Variants in NCOA2 observed in about 807,000 individuals in gnomAD.
NCOA2 encodes class E basic helix-loop-helix protein 75.
In NCOA2, 21 loss-of-function variants were observed where a neutral mutation model predicts 145.1. The observed-to-expected ratio is 0.14, with a 90% CI of 0.10 to 0.21. The LOEUF is 0.21. Ranked by LOEUF, NCOA2 falls within the 10% of genes least tolerant of loss-of-function variation. The pLI, the probability that NCOA2 is intolerant of heterozygous loss-of-function variation, is 1.00. For synonymous variants in NCOA2, 619 were observed against 637.5 expected, an observed-to-expected ratio of 0.97 and a Z score of 0.44; for missense variants, 1,472 against 1,837.6, an observed-to-expected ratio of 0.80 and a Z score of 3.64.
At chr8:70,362,303 A>G (rs1810277208) in intron 1 of NCOA2, among the ~76,000 whole-genome samples, 1 of 152,202 alleles carries the variant, frequency 6.6e-6, no homozygotes, top group Non-Finnish European at 1.5e-5. Flanking sequence ...GGACTTTTTA[A>G]AACCTTTTTT....
chr8:70,158,480 T>C (rs941576683), intron 10 of NCOA2, among the ~76,000 whole-genome samples: 26 of 152,216 alleles, frequency 1.7e-4, no homozygotes, highest in Admixed American at 1.0e-3. Context: ...GAGAAGTTAA[T>C]TTGAACCAGA....
intron 4 of NCOA2, among the ~76,000 whole-genome samples, chr8:70,206,132 A>G (rs569619718): frequency 5.9e-5 from 9 of 152,256 alleles, no homozygotes; most frequent in Non-Finnish European, 1.2e-4. Context: ...CTTATCTACA[A>G]ATGTGCCCGC....
chr8:70,265,491 A>G (rs1241298646), intron 2 of NCOA2, among the ~76,000 whole-genome samples: 4 of 152,268 alleles, frequency 2.6e-5, no homozygotes, highest in Non-Finnish European at 5.9e-5. Context: ...AATCCAGATT[A>G]AGTGAATGAC....
rs148554052 is a variant in NCOA2 at position 70,177,222 on chromosome 8, T to C, written c.260-2363A>G. On this transcript the variant is annotated intron_variant, in intron 4 of 22. Coordinates refer to ENST00000452400, the MANE Select transcript of NCOA2 (RefSeq NM_006540.4). ...GAGGGGGGTCTATCAGAATGTGCAG[T>C]GGGAACACACAGACAGCTTGAAAGG... 4.3e-4 allele frequency among the ~76,000 whole-genome samples: 65 copies of C among 152,280 alleles called. 1 individual carries two copies. In the East Asian group the frequency reaches 0.011, roughly 25 times the overall value.
chr8:70,274,152 C>A (rs1303563369), intron 2 of NCOA2, among the ~76,000 whole-genome samples: 2 of 148,614 alleles, frequency 1.3e-5, no homozygotes, highest in Non-Finnish European at 3.0e-5. Flanking sequence ...CCGATCTGTA[C>A]ACAGTAAATC....
chr8:70,416,136 C>A, the NCOA2 span, among the ~76,000 whole-genome samples: 1 of 151,244 alleles, frequency 6.6e-6, no homozygotes, highest in Non-Finnish European at 1.5e-5. Context: ...TTGCAGTCTT[C>A]AGTCTGAAGG....
chr8:70,125,100 C>G (rs940091202), intron 19 of NCOA2, among the ~76,000 whole-genome samples: 2 of 151,992 alleles, frequency 1.3e-5, no homozygotes, highest in African/African-American at 4.8e-5. Flanking sequence ...GCCTAGGAAC[C>G]ATTAACCATC....
At chr8:70,179,300 C>T (rs1301819940) in intron 4 of NCOA2, among the ~76,000 whole-genome samples, 1 of 152,052 alleles carries the variant, frequency 6.6e-6, no homozygotes, top group African/African-American at 2.4e-5. Context: ...TATGGCTTTA[C>T]CAATGTAATC....
intron 15 of NCOA2, among the ~76,000 whole-genome samples, chr8:70,134,742 T>C (rs539757201): frequency 6.6e-6 from 1 of 152,204 alleles, no homozygotes; most frequent in Non-Finnish European, 1.5e-5. Flanking sequence ...TCCTACATCA[T>C]AAAATCACTT....
At chr8:70,406,798 C>T (rs995077232), upstream of NCOA2, among the ~76,000 whole-genome samples, 42 of 152,074 alleles carry the variant, frequency 2.8e-4, no homozygotes, top group African/African-American at 9.4e-4. Flanking sequence ...AAGTAAACTG[C>T]ATAAAAGTGG....
intron 3 of NCOA2, 79 bp downstream of exon 3, chr8:70,216,581 A>G (rs1236792897): frequency 1.7e-6 from 2 of 1,176,034 alleles, no homozygotes; most frequent in East Asian, 4.7e-5. Context: ...CAGCAGTAAA[A>G]TCAATGCTAA....
At chr8:70,352,482 T>C (rs990631163) in intron 1 of NCOA2, among the ~76,000 whole-genome samples, 15 of 152,190 alleles carry the variant, frequency 9.9e-5, no homozygotes, top group Non-Finnish European at 1.8e-4. Context: ...TTCTACCAAT[T>C]TTCCTAATGC....
In NCOA2 at chr8:70,110,952, C is replaced by T; in HGVS notation, c.*2680G>A. 4.5e-6 allele frequency: 1 copy of T among 222,130 alleles called. No individual in the cohort carries two copies. Among genetic ancestry groups the T allele is most frequent in the Non-Finnish European group, 9.0e-6 (1 of 111,126 alleles). The allele number at this position is 222,130 out of a possible 1,614,324, so 13.8% of individuals were successfully genotyped here. A position where few individuals can be genotyped will look rare whatever the true frequency, so the allele number is the denominator to read the frequency against. On this transcript the variant is annotated 3_prime_UTR_variant, in exon 23 of 23. Transcript: ENST00000452400. ...TGTTCTATTAAACAAAAACCAAGTA[C>T]TCAGTCTAACAAATTTATTGTGTAC... is the stretch of plus-strand genomic sequence containing the variant.
At chr8:70,369,626 A>AC (rs34966562) in intron 1 of NCOA2, among the ~76,000 whole-genome samples, 16,012 of 152,198 alleles carry the variant, frequency 0.11, 1,293 homozygotes, top group East Asian at 0.41. Context: ...TTTAGATCCT[A>AC]CTTCTGCCAA....
chr8:70,366,291 A>C (rs894709760), intron 1 of NCOA2, among the ~76,000 whole-genome samples: 1 of 152,186 alleles, frequency 6.6e-6, no homozygotes, highest in Admixed American at 6.5e-5. Context: ...GACTGATGAA[A>C]GTATGTTCTC....
intron 1 of NCOA2, among the ~76,000 whole-genome samples, chr8:70,319,834 G>A (rs537554540): frequency 6.6e-6 from 1 of 152,178 alleles, no homozygotes; most frequent in African/African-American, 2.4e-5. Flanking sequence ...CAAGCTTATT[G>A]CAGAATACTC....
intron 21 of NCOA2, among the ~76,000 whole-genome samples, chr8:70,123,109 TCTCAAATG>T (rs1808004083): frequency 6.6e-6 from 1 of 152,222 alleles, no homozygotes; most frequent in African/African-American, 2.4e-5. Context: ...GCTACTGCTA[TCTCAAATG>T]CTTTGAGTCT....
intron 1 of NCOA2, among the ~76,000 whole-genome samples, chr8:70,303,065 T>G (rs1827627381): frequency 6.6e-6 from 1 of 152,202 alleles, no homozygotes; most frequent in Non-Finnish European, 1.5e-5. Context: ...AGACTAGTAT[T>G]CTTGCCCAGA....
At chr8:70,387,585 T>G (rs1812783181) in intron 1 of NCOA2, among the ~76,000 whole-genome samples, 2 of 152,138 alleles carry the variant, frequency 1.3e-5, no homozygotes, top group Admixed American at 6.5e-5. Context: ...TTATCCCACA[T>G]GCTCCTCTTA....
Sources: gnomAD v4.1 joint callset for allele counts (sites outside exome capture counted in the v4.1 genomes callset) on GRCh38, gnomAD v4.1.1 for gene constraint, MANE v1.5 for transcripts, NCBI Gene and HGNC (gene_info 2026-07-23, HGNC 2026-07-21) for gene names.